Variants in TRIP11 observed in about 807,000 individuals in gnomAD.
TRIP11 encodes thyroid receptor-interacting protein 11.
Under a neutral mutation model 223.1 loss-of-function variants are expected in TRIP11, and 148 were observed. The observed-to-expected ratio is 0.66, with a 90% CI of 0.58 to 0.76. The LOEUF (loss-of-function observed/expected upper bound fraction) is 0.76, where lower values mean the gene tolerates loss of function less well. TRIP11 is among the 30% of genes least tolerant of loss of function. The probability of loss-of-function intolerance (pLI) is 0.00; values close to 1 mark genes in which losing one functional copy is unlikely to be tolerated. For synonymous variants in TRIP11, 762 were observed against 772.6 expected (o/e 0.99, Z 0.23); for missense variants, 2,043 against 2,222.0 (o/e 0.92, Z 1.62).
intron 5 of TRIP11, among the ~76,000 whole-genome samples, chr14:92,016,835 G>T (rs930059880): frequency 6.6e-6 from 1 of 152,102 alleles, no homozygotes; most frequent in Non-Finnish European, 1.5e-5. Flanking sequence ...GTCTGATCCG[G>T]ATTCTATCCA....
rs760707034 is a variant in TRIP11 at position 92,003,943 on chromosome 14, G to A, written c.4033C>T (p.Leu1345Phe). The A allele has an allele frequency of 2.5e-6, 4 of 1,614,010 alleles. No individual in the cohort carries two copies. The African/African-American group carries it at 5.3e-5, about 22-fold the overall frequency. Reference protein sequence around the residue: ...SEVLSESSELLQQELEELRKS... With the variant: ...SEVLSESSELFQQELEELRKS... ...CTTAGCTCTTCTAACTCTTGCTGAAGCAATTCAGAAGATTCACTCAATACT... is the reference window on the plus strand; with the variant it reads ...CTTAGCTCTTCTAACTCTTGCTGAAACAATTCAGAAGATTCACTCAATACT... Residue 1345 changes from leucine to phenylalanine, a missense_variant, in exon 11 of 21, where the codon CTT becomes TTT. By Grantham distance (22) the Leu-to-Phe change is conservative (BLOSUM62 0). Coordinates refer to ENST00000267622, the MANE Select transcript of TRIP11 (RefSeq NM_004239.4).
intron 4 of TRIP11, among the ~76,000 whole-genome samples, chr14:92,019,835 T>C (rs1431914251): frequency 6.6e-6 from 1 of 152,224 alleles, no homozygotes; most frequent in African/African-American, 2.4e-5. Flanking sequence ...ACACAAGTTA[T>C]ATAATATTAC....
chr14:92,030,024 C>T (rs1323805219), intron 2 of TRIP11, among the ~76,000 whole-genome samples: 3 of 151,670 alleles, frequency 2.0e-5, no homozygotes, highest in African/African-American at 4.8e-5. Context: ...GGTGAAACCC[C>T]GTCTCTACTA....
At chr14:92,027,234 T>A (rs187908565) in intron 2 of TRIP11, among the ~76,000 whole-genome samples, 3 of 151,834 alleles carry the variant, frequency 2.0e-5, no homozygotes, top group Admixed American at 2.0e-4. Flanking sequence ...GCCTTCGGAG[T>A]GTTCTTTGTC....
Position 92,005,690 on chromosome 14 carries a change from C to G in TRIP11, c.2286G>C (p.Glu762Asp), listed in dbSNP as rs764924040. 6.2e-7 allele frequency: 1 copy of G among 1,613,744 alleles called. No individual in the cohort carries two copies. The highest frequency in any genetic ancestry group is 8.5e-7 in the Non-Finnish European group (1 of 1,180,008). The change falls in exon 11 of 21, where the codon GAG becomes GAC. Residue 762 changes from glutamate (E) to aspartate (D), a missense_variant. Coordinates refer to ENST00000267622, the MANE Select transcript of TRIP11 (RefSeq NM_004239.4). ...LNTSALQLEH[E>D]HLIKLNQKKD... Reference sequence around the variant, plus strand: ...TCTTTTGATTGAGTTTAATTAAATGCTCATGTTCCAGCTGTAAGGCAGAGG... The same window carrying G: ...TCTTTTGATTGAGTTTAATTAAATGGTCATGTTCCAGCTGTAAGGCAGAGG...
Position 92,004,946 on chromosome 14 carries a change from C to A in TRIP11, c.3030G>T (p.Lys1010Asn). Reference sequence around the variant, plus strand: ...CCGTTTCAGCTTTAGATAAATCATGCTTTTCACTTCCATTTTCTATATTAA... The same window carrying A: ...CCGTTTCAGCTTTAGATAAATCATGATTTTCACTTCCATTTTCTATATTAA... ...QSLNIENGSE[K>N]HDLSKAETER... The change falls in exon 11 of 21, where the codon AAG (lysine) becomes AAT (asparagine). Residue 1010 changes from lysine (K) to asparagine (N), a missense_variant. Lys to Asn is a moderately conservative substitution (Grantham distance 94). Transcript: ENST00000267622. 2.5e-6 allele frequency: 4 copies of A among 1,613,820 alleles called. No individual in the cohort carries two copies. Among genetic ancestry groups the A allele is most frequent in the Non-Finnish European group, 3.4e-6 (4 of 1,179,976 alleles).
chr14:91,979,977 A>T (rs527363607), intron 16 of TRIP11, among the ~76,000 whole-genome samples: 5 of 150,962 alleles, frequency 3.3e-5, no homozygotes, highest in Admixed American at 2.0e-4. Context: ...ATTTTTTGGA[A>T]GTTAAAAAAA....
chr14:91,997,834 T>C lies in TRIP11; in HGVS notation c.4892+1406A>G, dbSNP rs548459053. Among the ~76,000 whole-genome samples the C allele has an allele frequency of 3.3e-5, 5 of 152,212 alleles. No homozygotes were observed. The South Asian group carries it at 1.0e-3, about 32-fold the overall frequency. ...AGATCACACCTCTATGTAAGGAAGG[T>C]TATTCTCAAAGTTATTATGAAAAAT... is the stretch of plus-strand genomic sequence containing the variant. On this transcript the variant is annotated intron_variant, in intron 13 of 20. Transcript: ENST00000267622.
At chr14:91,971,349 C>G (rs2056398650) in intron 20 of TRIP11, among the ~76,000 whole-genome samples, 1 of 152,224 alleles carries the variant, frequency 6.6e-6, no homozygotes, top group Admixed American at 6.5e-5. Context: ...GGGCAAGCTT[C>G]TGGTGTTACC....
chr14:92,002,724 C>G (rs2056842557), intron 11 of TRIP11, among the ~76,000 whole-genome samples: 2 of 151,778 alleles, frequency 1.3e-5, no homozygotes, highest in African/African-American at 4.8e-5. Flanking sequence ...TTACAGGCAC[C>G]CACCACCATG....
chr14:92,038,079 T>A (rs911018249), intron 1 of TRIP11, among the ~76,000 whole-genome samples: 2 of 152,072 alleles, frequency 1.3e-5, no homozygotes, highest in African/African-American at 4.8e-5. Context: ...AATTCTGGCA[T>A]AGGATAAACA....
chr14:92,034,914 G>C lies in TRIP11; in HGVS notation c.140-1661C>G, dbSNP rs551518197. Among the ~76,000 whole-genome samples the C allele has an allele frequency of 3.3e-5, 5 of 152,208 alleles. No homozygotes were observed. In the South Asian group the frequency reaches 8.3e-4, roughly 25 times the overall value. ...CTCCCAAAGTGCTGGGATTACAAGT[G>C]TAAGTCACCATGCATGGCCCTTGGT... On this transcript the variant is annotated intron_variant, in intron 1 of 20. Transcript: ENST00000267622.
intron 17 of TRIP11, 71 bp downstream of exon 17, chr14:91,976,037 T>C (rs1370676947): frequency 1.4e-6 from 2 of 1,443,736 alleles, no homozygotes; most frequent in African/African-American, 2.8e-5. Flanking sequence ...AACATCTACA[T>C]TTAGAAGTTT....
Position 92,025,342 on chromosome 14 carries a change from T to C in TRIP11, c.280A>G (p.Thr94Ala), listed in dbSNP as rs571262882. Residue 94 changes from threonine to alanine, a missense_variant, in exon 3 of 21, where the codon ACA (threonine) becomes GCA (alanine). Transcript: ENST00000267622. ...TGTTGAAGTTGATTTCGGTAACTTG[T>C]AGATTGCTGCTTTATTTGAATCTCT... The part of the protein sequence containing the change: ...ASEIQIKQQS[T>A]SYRNQLQQKE... 6.2e-6 allele frequency: 10 copies of C among 1,613,714 alleles called. No individual in the cohort carries two copies. In the African/African-American group the frequency reaches 1.2e-4, roughly 19 times the overall value.
At chr14:91,989,713 A>C (rs2056649622) in intron 15 of TRIP11, among the ~76,000 whole-genome samples, 1 of 152,004 alleles carries the variant, frequency 6.6e-6, no homozygotes, top group Admixed American at 6.6e-5. Flanking sequence ...GTTGCTGTGA[A>C]GGTATTCTGC....
At chr14:91,979,527 G>A (rs1004154033) in intron 16 of TRIP11, among the ~76,000 whole-genome samples, 4 of 152,062 alleles carry the variant, frequency 2.6e-5, no homozygotes, top group Non-Finnish European at 5.9e-5. Context: ...TCCTTAAGGC[G>A]AAAATGACAG....
intron 11 of TRIP11, among the ~76,000 whole-genome samples, chr14:92,002,193 A>G (rs770209879): frequency 2.5e-4 from 38 of 152,134 alleles, no homozygotes; most frequent in Non-Finnish European, 5.0e-4. Flanking sequence ...ACACTATACT[A>G]TCATATAGTA....
chr14:91,996,878 A>C (rs1214683584), intron 13 of TRIP11, among the ~76,000 whole-genome samples: 1 of 152,168 alleles, frequency 6.6e-6, no homozygotes, highest in Non-Finnish European at 1.5e-5. Context: ...GATATAGATA[A>C]AGCACCTATC....
intron 16 of TRIP11, among the ~76,000 whole-genome samples, chr14:91,985,700 A>C (rs2056596967): frequency 6.6e-6 from 1 of 152,258 alleles, no homozygotes; most frequent in African/African-American, 2.4e-5. Context: ...AACAAAAGGC[A>C]ATCTGTCTTT....
Sources: gnomAD v4.1 joint callset for allele counts (sites outside exome capture counted in the v4.1 genomes callset) on GRCh38, gnomAD v4.1.1 for gene constraint, MANE v1.5 for transcripts, NCBI Gene and HGNC (gene_info 2026-07-23, HGNC 2026-07-21) for gene names.